ITGB4: variants seen among roughly 807,000 people sequenced by gnomAD.
ITGB4 encodes the protein integrin subunit beta 4.
ITGB4 carries 159 observed loss-of-function variants against 207.6 expected under a neutral mutation model. The ratio of observed to expected loss-of-function variants is 0.77; its 90% CI spans 0.67 to 0.87. The LOEUF (loss-of-function observed/expected upper bound fraction) is 0.87, where lower values mean the gene tolerates loss of function less well. Among genes scored for constraint, ITGB4 ranks in the 40% least tolerant of loss-of-function variants. The probability of loss-of-function intolerance (pLI) is 0.00; values close to 1 mark genes in which losing one functional copy is unlikely to be tolerated. For synonymous variants in ITGB4, 1,020 were observed against 1,062.7 expected (o/e 0.96, Z 0.78); for missense variants, 2,278 against 2,546.8 (o/e 0.89, Z 2.27).
In ITGB4 at chr17:75,740,485, G is replaced by A. The variant is rs775022727; in HGVS notation, c.2550+24G>A. The A allele has an allele frequency of 3.1e-6, 5 of 1,594,972 alleles. No individual in the cohort carries two copies. On this transcript the variant is annotated intron_variant, in intron 21 of 39. Coordinates refer to ENST00000200181, the MANE Select transcript of ITGB4 (RefSeq NM_000213.5). This position sits in a 1 kb window ranked among gnomAD's most constrained non-coding sequence, Gnocchi z 5.9. ...ACGTAAGGACCCAGGAACTAGGCCTGGCCGGAGATGTGGGTATGAGGGCGG... is the reference window on the plus strand; with the variant it reads ...ACGTAAGGACCCAGGAACTAGGCCTAGCCGGAGATGTGGGTATGAGGGCGG...
Position 75,733,684 on chromosome 17 carries a change from T to C in ITGB4, c.1649T>C (p.Leu550Pro). The C allele has an allele frequency of 6.2e-7, 1 of 1,613,996 alleles. No homozygotes were observed. The highest frequency in any genetic ancestry group is 8.5e-7 in the Non-Finnish European group (1 of 1,180,006). The change falls in exon 13 of 40, where the codon CTC becomes CCC. Residue 550 changes from leucine (L) to proline (P), a missense_variant. Coordinates refer to ENST00000200181, the MANE Select transcript of ITGB4 (RefSeq NM_000213.5). ...CAGTGTCCCCGCACTTCCGGGTTCC[T>C]CTGCAATGGTGAGCACAACAACTGC... ...NFQCPRTSGF[L>P]CNDRGRCSMG...
chr17:75,751,189 T>C (rs2061360017), intron 30 of ITGB4, 78 bp downstream of exon 30: 2 of 1,538,160 alleles, frequency 1.3e-6, no homozygotes, highest in Non-Finnish European at 1.8e-6. Flanking sequence ...GAGGGAGCTC[T>C]TGGTCACTCC....
In ITGB4 at chr17:75,742,080, C is replaced by T. The variant is rs1467080364; in HGVS notation, c.2634-261C>T. ...CACACACCCTTAGCATCTTTGCTGT[C>T]CAGCCCTTGATGAGGTGGGCAGAGA... On this transcript the variant is annotated intron_variant, in intron 23 of 39. Coordinates refer to ENST00000200181, the MANE Select transcript of ITGB4 (RefSeq NM_000213.5). The surrounding 1 kb of genome is among the most constrained non-coding windows in gnomAD (Gnocchi z 5.9). 1.3e-5 allele frequency among the ~76,000 whole-genome samples: 2 copies of T among 152,230 alleles called. No individual in the cohort carries two copies. The highest frequency in any genetic ancestry group is 4.8e-5 in the African/African-American group (2 of 41,462).
chr17:75,752,727 G>GCACTC, intron 32 of ITGB4, 150 bp downstream of exon 32: 1 of 1,008,570 alleles, frequency 9.9e-7, no homozygotes, highest in Non-Finnish European at 1.5e-6. Flanking sequence ...GCACATCTGT[G>GCACTC]CATGGGGCAC....
In ITGB4 at chr17:75,756,987, C is replaced by T. The variant is rs764704195; in HGVS notation, c.5098C>T (p.Arg1700Trp). The T allele has an allele frequency of 2.9e-5, 47 of 1,612,690 alleles. No homozygotes were observed. Among genetic ancestry groups the T allele is most frequent in the Admixed American group, 2.3e-4 (14 of 60,000 alleles). The change falls in exon 38 of 40, where the codon CGG becomes TGG. Residue 1700 changes from arginine (R) to tryptophan (W), a missense_variant. Transcript: ENST00000200181. ...GGTGGATGGAGACAGCCCCGAGAGC[C>T]GGCTGACCGTGCCGGGCCTCAGCGA... ...FRVDGDSPES[R>W]LTVPGLSENV...
intron 2 of ITGB4, among the ~76,000 whole-genome samples, chr17:75,726,190 C>A (rs916525346): frequency 2.6e-5 from 4 of 152,240 alleles, no homozygotes; most frequent in Non-Finnish European, 5.9e-5. Context: ...CAGTGGCTCA[C>A]GCCTATAATT....
chr17:75,754,930 G>A lies in ITGB4; in HGVS notation c.4558+115G>A, dbSNP rs146183690. ...CGCCCATTCTCCAACATACACACAC[G>A]CATGCACACATGCACGCACACACGT... On this transcript the variant is annotated intron_variant, in intron 34 of 39. Coordinates refer to ENST00000200181, the MANE Select transcript of ITGB4 (RefSeq NM_000213.5). The A allele has an allele frequency of 1.5e-4, 235 of 1,548,518 alleles. 1 individual carries two copies. The highest frequency in any genetic ancestry group is 4.0e-4 in the African/African-American group (29 of 72,866).
Position 75,756,416 on chromosome 17 carries a change from C to T in ITGB4, c.4709-13C>T. 1.2e-6 allele frequency: 2 copies of T among 1,613,156 alleles called. No homozygotes were observed. Among genetic ancestry groups the T allele is most frequent in the East Asian group, 2.2e-5 (1 of 44,858 alleles). On this transcript the variant is annotated splice_polypyrimidine_tract_variant and intron_variant, in intron 35 of 39. Transcript: ENST00000200181. The stretch of plus-strand genomic sequence containing the variant: ...ACACTGCACTACTGTGTGCCCCCAC[C>T]TGATCCCCCCAGGTGAGCTGCATCG...
At chr17:75,754,087 G>A (rs1452509595) in intron 33 of ITGB4, 113 bp downstream of exon 33, 3 of 464,294 alleles carry the variant, frequency 6.5e-6, no homozygotes, top group Non-Finnish European at 1.1e-5. Context: ...AGCCAGGCCC[G>A]GGCCTTGGCG....
intron 18 of ITGB4, among the ~76,000 whole-genome samples, chr17:75,738,245 A>G (rs117740253): frequency 0.013 from 1,867 of 147,338 alleles, 31 homozygotes; most frequent in Non-Finnish European, 0.015. Context: ...TTCCGGAGTG[A>G]CAGTAATGAT....
chr17:75,751,151 A>C (rs756234216), intron 30 of ITGB4, 40 bp downstream of exon 30: 1 of 1,608,956 alleles, frequency 6.2e-7, no homozygotes, highest in Non-Finnish European at 8.5e-7. Flanking sequence ...CAGGGAGAAC[A>C]GCCATGGAAG....
chr17:75,724,201 A>G (rs967420378), intron 1 of ITGB4, among the ~76,000 whole-genome samples: 9 of 152,158 alleles, frequency 5.9e-5, no homozygotes, highest in Admixed American at 4.6e-4. Flanking sequence ...CCCAGGCCCC[A>G]GATATTGGGA....
At chr17:75,735,575 G>T (rs1459354352) in intron 13 of ITGB4, among the ~76,000 whole-genome samples, 1 of 151,762 alleles carries the variant, frequency 6.6e-6, no homozygotes, top group Non-Finnish European at 1.5e-5. Flanking sequence ...ACCATGACCA[G>T]CTAATTTTTG....
chr17:75,735,597 G>A (rs1256763383), intron 13 of ITGB4, among the ~76,000 whole-genome samples: 2 of 151,454 alleles, frequency 1.3e-5, no homozygotes, highest in Non-Finnish European at 2.9e-5. Context: ...ATTTTTAGTA[G>A]AGACGAGGTT....
chr17:75,748,563 A>G (rs1475330261), intron 26 of ITGB4, among the ~76,000 whole-genome samples: 2 of 151,916 alleles, frequency 1.3e-5, no homozygotes, highest in East Asian at 1.9e-4. Context: ...CCAGCTACTC[A>G]GGAAGATGAG....
At position 75,722,572 on chromosome 17, in the gene ITGB4, G is replaced by A. The variant is rs1462426509; in HGVS notation, c.-11+960G>A. On this transcript the variant is annotated intron_variant, in intron 1 of 39. Transcript: ENST00000200181. The surrounding 1 kb of genome is among the most constrained non-coding windows in gnomAD (Gnocchi z 6.2). ...TTTCTCAGGGAGACAGAACAGCCAAGGGCCTGGGGTCCCCAGACTTCTGGC... is the reference window on the plus strand; with the variant it reads ...TTTCTCAGGGAGACAGAACAGCCAAAGGCCTGGGGTCCCCAGACTTCTGGC... 6.6e-6 allele frequency among the ~76,000 whole-genome samples: 1 copy of A among 152,216 alleles called. No individual in the cohort carries two copies. Among genetic ancestry groups the A allele is most frequent in the Non-Finnish European group, 1.5e-5 (1 of 68,040 alleles).
chr17:75,727,523 T>A lies in ITGB4; in HGVS notation c.264+18T>A, dbSNP rs767333175. The A allele has an allele frequency of 1.2e-6, 2 of 1,611,574 alleles. No homozygotes were observed. The highest frequency in any genetic ancestry group is 2.2e-5 in the South Asian group (2 of 90,888). On this transcript the variant is annotated intron_variant, in intron 4 of 39. Transcript: ENST00000200181. The surrounding 1 kb of genome is among the most constrained non-coding windows in gnomAD (Gnocchi z 6.0). ...TCACAGAGGTGCCTGGTGTGGGGAC[T>A]GGGGTGGGGGCTCCCCATGCTCAGC...
In ITGB4 at chr17:75,722,277, C is replaced by T. The variant is rs2060630576; in HGVS notation, c.-11+665C>T. On this transcript the variant is annotated intron_variant, in intron 1 of 39. Transcript: ENST00000200181. The surrounding 1 kb of genome is among the most constrained non-coding windows in gnomAD (Gnocchi z 6.2). ...ACACTGCCACCTCCTGCAGCATCCG[C>T]CCTCTTTCCCATGGCTCAGCCTCTG... 1.3e-5 allele frequency among the ~76,000 whole-genome samples: 2 copies of T among 152,212 alleles called. No homozygotes were observed. The highest frequency in any genetic ancestry group is 2.9e-5 in the Non-Finnish European group (2 of 68,032).
In ITGB4 at chr17:75,727,978, C is replaced by A; in HGVS notation, c.469+123C>A. On this transcript the variant is annotated intron_variant, in intron 5 of 39. Coordinates refer to ENST00000200181, the MANE Select transcript of ITGB4 (RefSeq NM_000213.5). This position sits in a 1 kb window ranked among gnomAD's most constrained non-coding sequence, Gnocchi z 6.0. ...AGGAAACACTGGACATTTGAGCCCC[C>A]AAAAACCTTCCCTTCCATTCTCAAG... 2.3e-6 allele frequency: 2 copies of A among 861,364 alleles called. No individual in the cohort carries two copies. The highest frequency in any genetic ancestry group is 3.7e-6 in the Non-Finnish European group (2 of 546,416). The allele number at this position is 861,364 out of a possible 1,614,324, so 53.4% of individuals were successfully genotyped here. A position where few individuals can be genotyped will look rare whatever the true frequency, so the allele number is the denominator to read the frequency against.
Sources: allele counts gnomAD v4.1 joint callset (sites outside exome capture counted in the v4.1 genomes callset), GRCh38; gene constraint gnomAD v4.1.1; non-coding constraint Gnocchi (gnomAD v3.1); transcripts MANE v1.5; gene names NCBI Gene and HGNC (gene_info 2026-07-23, HGNC 2026-07-21).